The following WDFY2 variants were observed in gnomAD, a reference collection of about 807,000 sequenced individuals.
WDFY2 encodes WD repeat and FYVE domain-containing protein 2.
WDFY2 carries 36 observed loss-of-function variants against 56.4 expected under a neutral mutation model. The observed-to-expected ratio is 0.64, with a 90% confidence interval of 0.49 to 0.84. The LOEUF is 0.84. Among genes scored for constraint, WDFY2 ranks in the 40% least tolerant of loss-of-function variants. WDFY2 has a pLI of 0.00. For missense variants in WDFY2, 444 were observed against 512.2 expected, an observed-to-expected ratio of 0.87 and a Z score of 1.29; for synonymous variants, 176 against 183.7, an observed-to-expected ratio of 0.96 and a Z score of 0.34.
chr13:51,646,070 C>T (rs774692427), intron 1 of WDFY2, among the ~76,000 whole-genome samples: 12 of 152,222 alleles, frequency 7.9e-5, no homozygotes, highest in Non-Finnish European at 1.8e-4. Context: ...TGTCCTCTCT[C>T]TTCTAGGCCT....
chr13:51,679,227 A>G (rs1245058933), intron 3 of WDFY2, among the ~76,000 whole-genome samples: 1 of 152,216 alleles, frequency 6.6e-6, no homozygotes, highest in Non-Finnish European at 1.5e-5. Context: ...AAATGTCAAC[A>G]CAGAAGTAAA....
intron 6 of WDFY2, among the ~76,000 whole-genome samples, chr13:51,731,453 A>C (rs1014095837): frequency 3.9e-5 from 6 of 152,246 alleles, no homozygotes; most frequent in Admixed American, 3.9e-4. Flanking sequence ...TTATCAAGAA[A>C]TATATTTGAG....
chr13:51,719,128 T>A, intron 4 of WDFY2, 70 bp from the exon 5 acceptor site: 2 of 1,602,368 alleles, frequency 1.2e-6, no homozygotes, highest in East Asian at 4.5e-5. Context: ...ATGGTGCATC[T>A]CTGTGGGCCA....
intron 7 of WDFY2, among the ~76,000 whole-genome samples, chr13:51,749,378 A>G (rs969716391): frequency 6.6e-6 from 1 of 152,176 alleles, no homozygotes; most frequent in Non-Finnish European, 1.5e-5. Flanking sequence ...TTGATTTGAA[A>G]AACAAAAACC....
In WDFY2 at chr13:51,751,340, G is replaced by C. The variant is rs770095553; in HGVS notation, c.756G>C (p.Gln252His). 4.3e-6 allele frequency: 7 copies of C among 1,613,960 alleles called. No homozygotes were observed. In the South Asian group the frequency reaches 7.7e-5, roughly 18 times the overall value. Reference protein sequence around the residue: ...NDRVQALSYAQHTRQLISCGG... With the variant: ...NDRVQALSYAHHTRQLISCGG... ...GAGTCCAGGCCCTCTCCTATGCACAGCACACGCGACAATTGATCTCCTGTG... is the reference window on the plus strand; with the variant it reads ...GAGTCCAGGCCCTCTCCTATGCACACCACACGCGACAATTGATCTCCTGTG... Residue 252 changes from glutamine (Q) to histidine (H), a missense_variant, in exon 8 of 12, where the codon CAG becomes CAC. Transcript: ENST00000298125.
chr13:51,714,794 A>G (rs1952307019), intron 4 of WDFY2, among the ~76,000 whole-genome samples: 2 of 152,178 alleles, frequency 1.3e-5, no homozygotes, highest in Admixed American at 6.5e-5. Flanking sequence ...ATGCATTGTT[A>G]GGCGATTTCA....
At chr13:51,641,741 A>G (rs372349432) in intron 1 of WDFY2, among the ~76,000 whole-genome samples, 2,312 of 144,532 alleles carry the variant, frequency 0.016, 46 homozygotes, top group African/African-American at 0.052. Context: ...CAGGAGAATG[A>G]CGTGAACCCG....
At chr13:51,616,908 A>G (rs935511834) in intron 1 of WDFY2, among the ~76,000 whole-genome samples, 1 of 152,244 alleles carries the variant, frequency 6.6e-6, no homozygotes, top group Non-Finnish European at 1.5e-5. Flanking sequence ...ACCAAGCTAG[A>G]AGAATTTCTT....
chr13:51,611,431 G>A lies in WDFY2; in HGVS notation c.137+26607G>A, dbSNP rs187292363. On this transcript the variant is annotated intron_variant, in intron 1 of 11. Coordinates refer to ENST00000298125, the MANE Select transcript of WDFY2 (RefSeq NM_052950.4). ...TTGTTTTCAATGAATTTATTTTATC[G>A]TTGAGATTTTGCCTCAGCATACAAC... is the stretch of plus-strand genomic sequence containing the variant. 6.1e-4 allele frequency among the ~76,000 whole-genome samples: 92 copies of A among 152,036 alleles called. 1 individual carries two copies. The highest frequency in any genetic ancestry group is 2.0e-3 in the African/African-American group (81 of 41,472).
chr13:51,605,314 C>T (rs1041057064), intron 1 of WDFY2, among the ~76,000 whole-genome samples: 1 of 152,212 alleles, frequency 6.6e-6, no homozygotes, highest in Non-Finnish European at 1.5e-5. Context: ...CAGCAGTTAG[C>T]ACGCAACACC....
chr13:51,601,090 G>A (rs974820872), intron 1 of WDFY2, among the ~76,000 whole-genome samples: 3 of 152,154 alleles, frequency 2.0e-5, no homozygotes, highest in Non-Finnish European at 2.9e-5. Flanking sequence ...GACCCCATAT[G>A]ATAACCATAT....
chr13:51,606,839 AAAT>A (rs1954392856), intron 1 of WDFY2, among the ~76,000 whole-genome samples: 1 of 152,136 alleles, frequency 6.6e-6, no homozygotes, highest in Non-Finnish European at 1.5e-5. Context: ...CTAAATAACA[AAAT>A]AATAATTTTT....
At position 51,619,433 on chromosome 13, in the gene WDFY2, CAA is replaced by C. The variant is rs5803565; in HGVS notation, c.137+34621_137+34622del. On this transcript the variant is annotated intron_variant, in intron 1 of 11. Transcript: ENST00000298125. Reference sequence around the variant, plus strand: ...GGGCAACAGAGCCAGACACTATCTCCAAAAAAAAAAAAACAAAAAACAAAAAG... The same window carrying C: ...GGGCAACAGAGCCAGACACTATCTCCAAAAAAAAAAACAAAAAACAAAAAG... Among the ~76,000 whole-genome samples the C allele has an allele frequency of 5.7e-3, 768 of 135,822 alleles. 5 individuals are homozygous for C. Among genetic ancestry groups the C allele is most frequent in the African/African-American group, 0.016 (587 of 36,912 alleles). The allele number at this position is 135,822 out of a possible 152,430, so 89.1% of individuals were successfully genotyped here. A position where few individuals can be genotyped will look rare whatever the true frequency, so the allele number is the denominator to read the frequency against.
intron 3 of WDFY2, among the ~76,000 whole-genome samples, chr13:51,690,786 G>A (rs910535344): frequency 3.5e-4 from 53 of 152,214 alleles, no homozygotes; most frequent in African/African-American, 1.2e-3. Context: ...CTTCCACAAC[G>A]GTTGAACTAG....
At chr13:51,594,723 A>G (rs1162733761) in intron 1 of WDFY2, among the ~76,000 whole-genome samples, 1 of 152,240 alleles carries the variant, frequency 6.6e-6, no homozygotes, top group Non-Finnish European at 1.5e-5. Context: ...AGGATTTTAC[A>G]GTCTCAGTTT....
chr13:51,622,681 G>A (rs1353099839), intron 1 of WDFY2, among the ~76,000 whole-genome samples: 1 of 152,110 alleles, frequency 6.6e-6, no homozygotes, highest in Non-Finnish European at 1.5e-5. Context: ...ATTATGCTGG[G>A]TTGAAAGCAT....
intron 1 of WDFY2, among the ~76,000 whole-genome samples, chr13:51,593,143 T>A (rs1447879830): frequency 6.6e-6 from 1 of 152,230 alleles, no homozygotes; most frequent in Non-Finnish European, 1.5e-5. Context: ...TGCCAGCACC[T>A]ACCTAGATTT....
chr13:51,653,209 C>A (rs1327257329), intron 1 of WDFY2, among the ~76,000 whole-genome samples: 9 of 152,192 alleles, frequency 5.9e-5, no homozygotes, highest in Admixed American at 5.9e-4. Flanking sequence ...GCTACTGAGG[C>A]TTGTGCATTT....
Position 51,762,442 on chromosome 13 carries a change from T to C in WDFY2, c.*2673T>C, listed in dbSNP as rs778070498. On this transcript the variant is annotated 3_prime_UTR_variant, in exon 12 of 12. Coordinates refer to ENST00000298125, the MANE Select transcript of WDFY2 (RefSeq NM_052950.4). ...CATCAGAAAACCAGATATGTCAAGG[T>C]ATCCATTGCTCTTTCCTTTTCTCTC... The C allele has an allele frequency of 2.0e-5, 3 of 152,238 alleles. No homozygotes were observed. The highest frequency in any genetic ancestry group is 4.8e-5 in the African/African-American group (2 of 41,450). The allele number at this position is 152,238 out of a possible 1,614,324, so 9.4% of individuals were successfully genotyped here. A position where few individuals can be genotyped will look rare whatever the true frequency, so the allele number is the denominator to read the frequency against.
Sources: gnomAD v4.1 joint callset for allele counts (sites outside exome capture counted in the v4.1 genomes callset) on GRCh38, gnomAD v4.1.1 for gene constraint, MANE v1.5 for transcripts, NCBI Gene and HGNC (gene_info 2026-07-23, HGNC 2026-07-21) for gene names.